Variants in BRWD1 observed in about 807,000 individuals in gnomAD.
BRWD1 encodes bromodomain and WD repeat domain containing 1.
In BRWD1, 82 loss-of-function variants were observed where a neutral mutation model predicts 251.2. The ratio of observed to expected loss-of-function variants is 0.33; its 90% CI spans 0.27 to 0.39. The LOEUF (loss-of-function observed/expected upper bound fraction) is 0.39, where lower values mean the gene tolerates loss of function less well. BRWD1 is among the 10% of genes least tolerant of loss of function. BRWD1 has a pLI of 1.00. For missense variants in BRWD1, 2,233 were observed against 2,711.6 expected (o/e 0.82, Z 3.92); for synonymous variants, 918 against 902.8 (o/e 1.02, Z -0.30).
At chr21:39,205,856 G>C (rs1210961120) in intron 37 of BRWD1, among the ~76,000 whole-genome samples, 1 of 152,044 alleles carries the variant, frequency 6.6e-6, no homozygotes, top group East Asian at 1.9e-4. Flanking sequence ...AAGGTGGGTG[G>C]ATCACCTGCG....
rs148657878 is a variant in BRWD1 at position 39,236,639 on chromosome 21, T to C, written c.2722A>G (p.Lys908Glu). The C allele has an allele frequency of 3.1e-6, 5 of 1,612,098 alleles. No homozygotes were observed. The African/African-American group carries it at 5.3e-5, about 17-fold the overall frequency. The change falls in exon 23 of 41, where the codon AAA (lysine) becomes GAA (glutamate). Residue 908 changes from lysine to glutamate, a missense_variant. Physicochemically the swap from Lys to Glu is moderately conservative, Grantham distance 56. Around this residue, in one of 12 missense-constraint regions of BRWD1, gnomAD observed 214 missense variants for 222.0 expected, o/e 0.96. Transcript: ENST00000342449. ...TCTTTCTTTCTCTTTCGTCTTCTTT[T>C]TGGAGGAGATAAATTCTCAGTAGAT... is the stretch of plus-strand genomic sequence containing the variant. ...EISTENLSPP[K>E]RRRKRKKENK...
At chr21:39,296,771 C>T (rs2035972405) in intron 5 of BRWD1, 4 of 943,522 alleles carry the variant, frequency 4.2e-6, no homozygotes, top group Non-Finnish European at 5.1e-6. Context: ...CTTTTGACTC[C>T]AAGTCCCATT....
At chr21:39,288,743 C>T (rs567598873) in intron 8 of BRWD1, among the ~76,000 whole-genome samples, 5 of 152,142 alleles carry the variant, frequency 3.3e-5, no homozygotes, top group African/African-American at 9.6e-5. Flanking sequence ...TCAAGAAAAT[C>T]GTAAGGAAGA....
intron 1 of BRWD1, among the ~76,000 whole-genome samples, chr21:39,319,619 A>G (rs2036729559): frequency 1.3e-5 from 2 of 152,364 alleles, no homozygotes; most frequent in South Asian, 4.1e-4. Context: ...ACACTGTCCT[A>G]AATCATTTCC....
At chr21:39,293,645 T>G (rs993319190) in intron 8 of BRWD1, among the ~76,000 whole-genome samples, 166 bp downstream of exon 8, 1 of 152,216 alleles carries the variant, frequency 6.6e-6, no homozygotes, top group Non-Finnish European at 1.5e-5. Flanking sequence ...TAGATCTTCA[T>G]TTCATCAGCC....
At chr21:39,249,358 T>C (rs968634880) in intron 20 of BRWD1, among the ~76,000 whole-genome samples, 7 of 152,230 alleles carry the variant, frequency 4.6e-5, no homozygotes, top group African/African-American at 1.7e-4. Flanking sequence ...CTAAAAGTTT[T>C]CTTTTTAATG....
At chr21:39,319,413 C>G (rs2036727700) in intron 1 of BRWD1, among the ~76,000 whole-genome samples, 1 of 152,220 alleles carries the variant, frequency 6.6e-6, no homozygotes, top group Non-Finnish European at 1.5e-5. Flanking sequence ...TGAAACATTT[C>G]TCACAGCACT....
Position 39,280,253 on chromosome 21 carries a change from A to G in BRWD1, c.832-5T>C. On this transcript the variant is annotated splice_region_variant and splice_polypyrimidine_tract_variant and intron_variant, in intron 8 of 40. Transcript: ENST00000342449. ...GCCTTTGGCCATCGGGCTAAACTAA[A>G]AAGTAAAACATATACAATTCAGTTT... The G allele has an allele frequency of 6.3e-7, 1 of 1,592,114 alleles. No homozygotes were observed. The highest frequency in any genetic ancestry group is 8.6e-7 in the Non-Finnish European group (1 of 1,166,338).
chr21:39,280,026 A>G (rs1217028630), intron 9 of BRWD1, 122 bp downstream of exon 9: 2 of 647,476 alleles, frequency 3.1e-6, no homozygotes, highest in African/African-American at 3.8e-5. Flanking sequence ...ATAAAAATTA[A>G]GTTCAAAGGT....
chr21:39,305,925 T>C (rs1219062692), intron 4 of BRWD1, among the ~76,000 whole-genome samples: 2 of 151,244 alleles, frequency 1.3e-5, no homozygotes, highest in African/African-American at 4.9e-5. Flanking sequence ...TCCCAGCTAC[T>C]TGGGACACTG....
rs58041256 is a variant in BRWD1, at chr21:39,192,261, ACTTTT to A, written c.*3993_*3997del. 435,461 of 984,248 alleles carry A rather than the reference ACTTTT, an allele frequency of 0.44. 96,689 individuals are homozygous for A. The highest frequency in any genetic ancestry group is 0.53 in the Admixed American group (8,657 of 16,200). 61.0% of individuals were successfully genotyped at this position (984,248 alleles called of 1,614,324 possible). ...CACAGCCCTTAGCATTACATACTTT[ACTTTT>A]CAATCCTTACTATTCACAGTTTGAG... On this transcript the variant is annotated 3_prime_UTR_variant, in exon 41 of 41. Coordinates refer to ENST00000342449, the MANE Select transcript of BRWD1 (RefSeq NM_033656.4).
intron 36 of BRWD1, among the ~76,000 whole-genome samples, chr21:39,209,283 C>A (rs2032550127): frequency 6.6e-6 from 1 of 151,896 alleles, no homozygotes; most frequent in Admixed American, 6.6e-5. Context: ...TGCCCTGAAC[C>A]TTTTCTTTAA....
intron 9 of BRWD1, among the ~76,000 whole-genome samples, chr21:39,279,326 C>T (rs2035375538): frequency 6.6e-6 from 1 of 152,192 alleles, no homozygotes; most frequent in East Asian, 1.9e-4. Context: ...TTCACATACT[C>T]GTTATTCAAG....
intron 8 of BRWD1, among the ~76,000 whole-genome samples, chr21:39,287,477 T>C (rs908290163): frequency 6.6e-6 from 1 of 152,230 alleles, no homozygotes; most frequent in African/African-American, 2.4e-5. Context: ...CATTTCATAG[T>C]TACAAGTCAA....
intron 4 of BRWD1, among the ~76,000 whole-genome samples, chr21:39,311,365 G>A (rs887353984): frequency 6.6e-6 from 1 of 152,030 alleles, no homozygotes; most frequent in South Asian, 2.1e-4. Flanking sequence ...GTGGAGACAA[G>A]AGTTGGTCTG....
intron 18 of BRWD1, among the ~76,000 whole-genome samples, chr21:39,256,206 T>C (rs570639118): frequency 6.6e-6 from 1 of 152,350 alleles, no homozygotes; most frequent in East Asian, 1.9e-4. Flanking sequence ...TTTACTAGAC[T>C]TTCTGAAATT....
intron 4 of BRWD1, among the ~76,000 whole-genome samples, chr21:39,303,727 G>A (rs1285047967): frequency 2.0e-5 from 3 of 151,502 alleles, no homozygotes; most frequent in Non-Finnish European, 4.4e-5. Context: ...GGAGACTAAG[G>A]TTGGAAGACG....
chr21:39,312,793 G>T lies in BRWD1; in HGVS notation c.198+48C>A, dbSNP rs532159316. On this transcript the variant is annotated intron_variant, in intron 4 of 40. Transcript: ENST00000342449. ...CCCGCGAGGGGAAGGGGCGGGGGCGGGGGGCGGTGCACGGAAAACCCGGGG... is the reference window on the plus strand; with the variant it reads ...CCCGCGAGGGGAAGGGGCGGGGGCGTGGGGCGGTGCACGGAAAACCCGGGG... The T allele has an allele frequency of 2.0e-6, 3 of 1,502,828 alleles. 1 individual carries two copies. The South Asian group carries it at 3.5e-5, about 18-fold the overall frequency. 93.1% of individuals were successfully genotyped at this position (1,502,828 alleles called of 1,614,324 possible).
At position 39,188,609 on chromosome 21, in the gene BRWD1, C is replaced by G; in HGVS notation, c.*7650G>C. 3.0e-6 allele frequency: 3 copies of G among 985,414 alleles called. No individual in the cohort carries two copies. The highest frequency in any genetic ancestry group is 3.6e-6 in the Non-Finnish European group (3 of 829,916). 61.0% of individuals were successfully genotyped at this position (985,414 alleles called of 1,614,324 possible). On this transcript the variant is annotated 3_prime_UTR_variant, in exon 41 of 41. Transcript: ENST00000342449. ...AGATGAGTACAGGTAAAAACTGCTTCTGTGGACTGACATGTTCATACAGCT... is the reference window on the plus strand; with the variant it reads ...AGATGAGTACAGGTAAAAACTGCTTGTGTGGACTGACATGTTCATACAGCT...
Sources: allele counts gnomAD v4.1 joint callset (sites outside exome capture counted in the v4.1 genomes callset), GRCh38; gene constraint gnomAD v4.1.1; regional missense constraint gnomAD v4.1.1; transcripts MANE v1.5; gene names NCBI Gene and HGNC (gene_info 2026-07-23, HGNC 2026-07-21).